P2RX4: variants seen among roughly 807,000 people sequenced by gnomAD.
The protein encoded by P2RX4 is purinergic receptor P2X 4, also known as P2X purinoceptor 4.
P2RX4 carries 37 observed loss-of-function variants against 48.0 expected under a neutral mutation model. That is an observed-to-expected ratio of 0.77 (90% CI 0.59 to 1.01). The LOEUF is 1.01. P2RX4 is among the 50% of genes least tolerant of loss of function. The pLI is 0.00. For missense variants in P2RX4, 501 were observed against 521.4 expected, an observed-to-expected ratio of 0.96 and a Z score of 0.38; for synonymous variants, 200 against 199.7, an observed-to-expected ratio of 1.00 and a Z score of -0.01.
In P2RX4 at chr12:121,233,050, C is replaced by T. The variant is rs774610774; in HGVS notation, c.1098C>T (p.Tyr366=). The stretch of plus-strand genomic sequence containing the variant: ...TCTACTGCATGAAGAAAAGACTCTA[C>T]TATCGGGAGAAGAAATATAAATATG... ...IVLYCMKKRL[Y]YREKKYKYVE... is the part of the protein sequence containing the mutation. Residue 366 remains tyrosine, a synonymous_variant, in exon 11 of 12, where the codon TAC becomes TAT. Coordinates refer to ENST00000337233, the MANE Select transcript of P2RX4 (RefSeq NM_002560.3). The T allele has an allele frequency of 2.5e-6, 4 of 1,613,754 alleles. No homozygotes were observed. The highest frequency in any genetic ancestry group is 2.2e-5 in the East Asian group (1 of 44,874).
intron 5 of P2RX4, among the ~76,000 whole-genome samples, chr12:121,224,290 T>C (rs995054169): frequency 2.6e-5 from 4 of 152,104 alleles, no homozygotes; most frequent in African/African-American, 9.7e-5. Context: ...GGATGTTTGC[T>C]ACAGTGTATT....
intron 5 of P2RX4, among the ~76,000 whole-genome samples, chr12:121,227,639 G>T (rs139343834): frequency 6.6e-6 from 1 of 152,190 alleles, no homozygotes; most frequent in African/African-American, 2.4e-5. Flanking sequence ...GGGGGAGAGG[G>T]CCTGCCCTTC....
chr12:121,221,005 C>G (rs1329472806), intron 2 of P2RX4, among the ~76,000 whole-genome samples: 1 of 152,178 alleles, frequency 6.6e-6, no homozygotes, highest in Non-Finnish European at 1.5e-5. Flanking sequence ...AAATCTCACT[C>G]TGTCACCCAG....
intron 1 of P2RX4, 140 bp from the exon 2 acceptor site, chr12:121,216,994 C>G (rs1461611637): frequency 9.4e-6 from 8 of 854,176 alleles, no homozygotes; most frequent in Non-Finnish European, 1.4e-5. Flanking sequence ...AAATGGAGTC[C>G]CCTAGAAGGT....
rs748386733 is a variant in P2RX4, at chr12:121,229,017, T to C, written c.802T>C (p.Ser268Pro). Residue 268 changes from serine (S) to proline (P), a missense_variant, in exon 8 of 12, where the codon TCC becomes CCC. Transcript: ENST00000337233. The surrounding 1 kb of genome is among the most constrained non-coding windows in gnomAD (Gnocchi z 4.6). ...GGACTGCAACCTGGACAGAGCCGCCTCCCTCTGCTTGCCCAGGTACTCCTT... is the reference window on the plus strand; with the variant it reads ...GGACTGCAACCTGGACAGAGCCGCCCCCCTCTGCTTGCCCAGGTACTCCTT... ...NWDCNLDRAA[S>P]LCLPRYSFRR... The C allele has an allele frequency of 2.2e-5, 36 of 1,613,874 alleles. No homozygotes were observed.
At chr12:121,217,390 C>A in intron 2 of P2RX4, 109 bp downstream of exon 2, 1 of 1,096,622 alleles carries the variant, frequency 9.1e-7, no homozygotes, top group Non-Finnish European at 1.4e-6. Context: ...CACCAATGCC[C>A]AGAATGATTG....
At position 121,217,189 on chromosome 12, in the gene P2RX4, GT is replaced by G; in HGVS notation, c.192del (p.Thr65ArgfsTer9). On this transcript the variant is annotated frameshift_variant, in exon 2 of 12. Coordinates refer to ENST00000337233, the MANE Select transcript of P2RX4 (RefSeq NM_002560.3). LOFTEE classifies it high-confidence loss of function. The part of the protein sequence containing the change: ...YQETDSVVSS[V>X]TTKVKGVAVT... ...GGAAACTGACTCCGTGGTCAGCTCC[GT>G]TACGACCAAGGTCAAGGGCGTGGCT... The G allele has an allele frequency of 6.2e-7, 1 of 1,614,222 alleles. No homozygotes were observed.
intron 2 of P2RX4, among the ~76,000 whole-genome samples, chr12:121,218,754 C>T (rs1886385764): frequency 6.6e-6 from 1 of 152,170 alleles, no homozygotes; most frequent in South Asian, 2.1e-4. Context: ...CCAGGGCTTT[C>T]CTCATGAGCT....
At chr12:121,222,407 T>TTG in intron 4 of P2RX4, 1 of 540,758 alleles carries the variant, frequency 1.8e-6, no homozygotes, top group Non-Finnish European at 3.3e-6. Context: ...TGTTTTTTTT[T>TTG]TTGTTTTGTT....
In P2RX4 at chr12:121,223,049, T is replaced by TCCAGCCCTAGGGAAGGAAGTG. The variant is rs770408067; in HGVS notation, c.524+9_524+29dup. On this transcript the variant is annotated splice_region_variant and intron_variant, in intron 5 of 11. Coordinates refer to ENST00000337233, the MANE Select transcript of P2RX4 (RefSeq NM_002560.3). Reference sequence around the variant, plus strand: ...GATGACACACACGTGCCACAGTGAGTCCAGCCCTAGGGAAGGAAGTGCCTT... The same window carrying TCCAGCCCTAGGGAAGGAAGTG: ...GATGACACACACGTGCCACAGTGAGTCCAGCCCTAGGGAAGGAAGTGCCAGCCCTAGGGAAGGAAGTGCCTT... The TCCAGCCCTAGGGAAGGAAGTG allele has an allele frequency of 6.3e-7, 1 of 1,577,850 alleles. No homozygotes were observed. Among genetic ancestry groups the TCCAGCCCTAGGGAAGGAAGTG allele is most frequent in the Non-Finnish European group, 8.7e-7 (1 of 1,147,186 alleles).
At position 121,234,058 on chromosome 12, in the gene P2RX4, G is replaced by A. The variant is rs878903501; in HGVS notation, c.*509G>A. 1.6e-5 allele frequency: 3 copies of A among 191,400 alleles called. No homozygotes were observed. Among genetic ancestry groups the A allele is most frequent in the South Asian group, 2.2e-4 (2 of 9,122 alleles). The allele number at this position is 191,400 out of a possible 1,614,324, so 11.9% of individuals were successfully genotyped here. A position where few individuals can be genotyped will look rare whatever the true frequency, so the allele number is the denominator to read the frequency against. On this transcript the variant is annotated 3_prime_UTR_variant, in exon 12 of 12. Coordinates refer to ENST00000337233, the MANE Select transcript of P2RX4 (RefSeq NM_002560.3). ...AGCTGGCATTTCTCCTCAGAGAAGC[G>A]CTGTGCTAAGGTGATCGAGGACCAG... is the stretch of plus-strand genomic sequence containing the variant.
At chr12:121,222,007 C>T (rs1345171404) in intron 3 of P2RX4, 23 bp downstream of exon 3, 1 of 1,610,858 alleles carries the variant, frequency 6.2e-7, no homozygotes, top group Admixed American at 1.7e-5. Context: ...CGGGAAGAGC[C>T]CCAGGCCCCA....
chr12:121,225,939 C>T (rs562951827), intron 5 of P2RX4, among the ~76,000 whole-genome samples: 46 of 152,052 alleles, frequency 3.0e-4, no homozygotes, highest in African/African-American at 9.9e-4. Flanking sequence ...GCAGTGATAA[C>T]GATCATGGCT....
intron 11 of P2RX4, 159 bp downstream of exon 11, chr12:121,233,251 G>A (rs1013166870): frequency 1.5e-6 from 1 of 650,250 alleles, no homozygotes; most frequent in Admixed American, 2.7e-5. Flanking sequence ...CTCAGCAGCT[G>A]CTCCATCCCT....
chr12:121,229,051 T>G lies in P2RX4; in HGVS notation c.836T>G (p.Leu279Arg). 1 of 1,614,110 alleles carries G rather than the reference T, an allele frequency of 6.2e-7. No homozygotes were observed. The highest frequency in any genetic ancestry group is 8.5e-7 in the Non-Finnish European group (1 of 1,180,004). ...LCLPRYSFRR[L>R]DTRDVEHNVS... Reference sequence around the variant, plus strand: ...TTGCCCAGGTACTCCTTCCGCCGCCTCGATACACGGGACGTTGAGCACAAC... The same window carrying G: ...TTGCCCAGGTACTCCTTCCGCCGCCGCGATACACGGGACGTTGAGCACAAC... The change falls in exon 8 of 12, where the codon CTC becomes CGC. Residue 279 changes from leucine to arginine, a missense_variant. Coordinates refer to ENST00000337233, the MANE Select transcript of P2RX4 (RefSeq NM_002560.3). The surrounding 1 kb of genome is among the most constrained non-coding windows in gnomAD (Gnocchi z 4.6).
chr12:121,233,515 CT>C lies in P2RX4; in HGVS notation c.1141-5del, dbSNP rs1433332359. 1.5e-5 allele frequency: 24 copies of C among 1,606,966 alleles called. No individual in the cohort carries two copies. Among genetic ancestry groups the C allele is most frequent in the Non-Finnish European group, 2.0e-5 (23 of 1,176,366 alleles). ...GGCACCTTGATCTGCTTGTGTCCTT[CT>C]TTGCAGGGTCTTGCTAGTGAGCTGG... is the stretch of plus-strand genomic sequence containing the variant. On this transcript the variant is annotated splice_region_variant and splice_polypyrimidine_tract_variant and intron_variant, in intron 11 of 11. Coordinates refer to ENST00000337233, the MANE Select transcript of P2RX4 (RefSeq NM_002560.3).
chr12:121,212,874 C>T (rs1441675278), intron 1 of P2RX4: 1 of 129,282 alleles, frequency 7.7e-6, no homozygotes, highest in African/African-American at 3.0e-5. Context: ...ACTGAACTCA[C>T]ATCCCTGGTT....
intron 2 of P2RX4, among the ~76,000 whole-genome samples, chr12:121,221,450 G>T (rs1331050513): frequency 1.4e-5 from 2 of 145,218 alleles, no homozygotes; most frequent in Non-Finnish European, 3.0e-5. Flanking sequence ...CTGGAGTGCA[G>T]TGGCGCGATG....
chr12:121,221,131 C>T (rs1196799460), intron 2 of P2RX4, among the ~76,000 whole-genome samples: 8 of 150,350 alleles, frequency 5.3e-5, no homozygotes, highest in African/African-American at 1.5e-4. Flanking sequence ...CCACCACACC[C>T]GGCTCCTTTT....
Sources: allele counts gnomAD v4.1 joint callset (sites outside exome capture counted in the v4.1 genomes callset), GRCh38; gene constraint gnomAD v4.1.1; non-coding constraint Gnocchi (gnomAD v3.1); transcripts MANE v1.5; gene names NCBI Gene and HGNC (gene_info 2026-07-23, HGNC 2026-07-21).